The following HS3ST2 variants were observed in gnomAD, a reference collection of about 807,000 sequenced individuals.
HS3ST2 encodes heparan sulfate-glucosamine 3-sulfotransferase 2, also known as heparan sulfate glucosamine 3-O-sulfotransferase 2.
HS3ST2 carries 17 observed loss-of-function variants against 26.3 expected under a neutral mutation model. That is an observed-to-expected ratio of 0.65 (90% confidence interval 0.44 to 0.97). HS3ST2 has a LOEUF of 0.97. HS3ST2 is among the 50% of genes least tolerant of loss of function. The probability of loss-of-function intolerance (pLI) is 0.00; values close to 1 mark genes in which losing one functional copy is unlikely to be tolerated. For missense variants in HS3ST2, 402 were observed against 501.2 expected, an observed-to-expected ratio of 0.80 and a Z score of 1.89; for synonymous variants, 237 against 219.2, an observed-to-expected ratio of 1.08 and a Z score of -0.72.
At chr16:22,903,332 A>G (rs1484503642) in intron 1 of HS3ST2, among the ~76,000 whole-genome samples, 1 of 152,218 alleles carries the variant, frequency 6.6e-6, no homozygotes, top group African/African-American at 2.4e-5. Flanking sequence ...AGAGTTTAGA[A>G]CAGCAAGTGG....
Position 22,907,117 on chromosome 16 carries a change from G to T in HS3ST2, c.486-7827G>T, listed in dbSNP as rs2141746862. 1.3e-5 allele frequency among the ~76,000 whole-genome samples: 2 copies of T among 152,264 alleles called. 1 individual carries two copies. The highest frequency in any genetic ancestry group is 4.2e-4 in the South Asian group (2 of 4,818). ...CACCAGGACAAGAGACAAGTAAGAT[G>T]GATCAGAGTCTTAAAAAATAAAAAT... On this transcript the variant is annotated intron_variant, in intron 1 of 1. Coordinates refer to ENST00000261374, the MANE Select transcript of HS3ST2 (RefSeq NM_006043.2).
At chr16:22,895,050 CCTT>C (rs1305425502) in intron 1 of HS3ST2, among the ~76,000 whole-genome samples, 1 of 150,514 alleles carries the variant, frequency 6.6e-6, no homozygotes, top group Non-Finnish European at 1.5e-5. Context: ...TGAATTGGTC[CCTT>C]CTTCTTTTCT....
In HS3ST2 at chr16:22,897,548, T is replaced by C. The variant is rs921394773; in HGVS notation, c.486-17396T>C. Among the ~76,000 whole-genome samples, 9 of 152,364 alleles carry C rather than the reference T, an allele frequency of 5.9e-5. 1 individual carries two copies. The South Asian group carries it at 1.4e-3, about 25-fold the overall frequency. The stretch of plus-strand genomic sequence containing the variant: ...ATATTTGTGTTTAGATCAATTTACA[T>C]TTTCTACCTTCACTATGTGTTTAAG... On this transcript the variant is annotated intron_variant, in intron 1 of 1. Transcript: ENST00000261374.
chr16:22,911,375 G>T (rs1162167195), intron 1 of HS3ST2, among the ~76,000 whole-genome samples: 1 of 152,196 alleles, frequency 6.6e-6, no homozygotes, highest in Non-Finnish European at 1.5e-5. Flanking sequence ...TTGAAAATGG[G>T]TATAAGAAGT....
At chr16:22,844,597 G>C (rs1401243487) in intron 1 of HS3ST2, among the ~76,000 whole-genome samples, 3 of 152,054 alleles carry the variant, frequency 2.0e-5, no homozygotes, top group Non-Finnish European at 2.9e-5. Context: ...GGAGGTGATT[G>C]GATCATGGGG....
chr16:22,909,671 GCAT>G (rs1902397587), intron 1 of HS3ST2, among the ~76,000 whole-genome samples: 1 of 152,196 alleles, frequency 6.6e-6, no homozygotes, highest in African/African-American at 2.4e-5. Context: ...CATGACTACA[GCAT>G]GTTTGCAACC....
intron 1 of HS3ST2, among the ~76,000 whole-genome samples, chr16:22,910,886 C>A (rs772337163): frequency 6.6e-6 from 1 of 152,006 alleles, no homozygotes; most frequent in Non-Finnish European, 1.5e-5. Flanking sequence ...AGGATGGTTG[C>A]ACATAAGGAT....
chr16:22,838,009 T>A (rs1395932720), intron 1 of HS3ST2, among the ~76,000 whole-genome samples: 2 of 151,690 alleles, frequency 1.3e-5, no homozygotes, highest in Non-Finnish European at 2.9e-5. Context: ...AGGTAAAAAA[T>A]TGTTCTATGT....
chr16:22,828,668 C>A (rs1216945508), intron 1 of HS3ST2, among the ~76,000 whole-genome samples: 2 of 152,182 alleles, frequency 1.3e-5, no homozygotes. Flanking sequence ...TTCCTAGGAT[C>A]AATCCCCATT....
intron 1 of HS3ST2, among the ~76,000 whole-genome samples, chr16:22,894,735 TAAA>T (rs775796299): frequency 6.7e-5 from 9 of 133,918 alleles, no homozygotes; most frequent in Admixed American, 1.5e-4. Context: ...CTCCGTCTCT[TAAA>T]AAAAAAAAAA....
chr16:22,903,426 C>G (rs1490456206), intron 1 of HS3ST2, among the ~76,000 whole-genome samples: 1 of 152,212 alleles, frequency 6.6e-6, no homozygotes, highest in Admixed American at 6.5e-5. Flanking sequence ...CTGATGACTG[C>G]TGCGTACCCA....
chr16:22,838,588 C>T (rs1394904000), intron 1 of HS3ST2, among the ~76,000 whole-genome samples: 3 of 152,082 alleles, frequency 2.0e-5, no homozygotes, highest in Non-Finnish European at 2.9e-5. Context: ...GAAAAGCTAT[C>T]GATTAGGTGT....
At chr16:22,815,442 G>A (rs60824111) in intron 1 of HS3ST2, among the ~76,000 whole-genome samples, 3,234 of 152,250 alleles carry the variant, frequency 0.021, 83 homozygotes, top group African/African-American at 0.063. Context: ...GCCTGAACAC[G>A]GCACCATCCT....
intron 1 of HS3ST2, among the ~76,000 whole-genome samples, chr16:22,904,169 G>A (rs1012186894): frequency 1.1e-4 from 16 of 152,146 alleles, no homozygotes; most frequent in African/African-American, 3.6e-4. Flanking sequence ...CTTCTCATAG[G>A]AAGCCAGGTT....
chr16:22,895,668 G>C (rs1319133661), intron 1 of HS3ST2, among the ~76,000 whole-genome samples: 1 of 151,882 alleles, frequency 6.6e-6, no homozygotes, highest in Non-Finnish European at 1.5e-5. Context: ...AATACAATCC[G>C]TCTTTTATAC....
At chr16:22,895,946 G>C (rs1442056206) in intron 1 of HS3ST2, among the ~76,000 whole-genome samples, 3 of 151,240 alleles carry the variant, frequency 2.0e-5, no homozygotes, top group Non-Finnish European at 4.4e-5. Flanking sequence ...CTTTGTTAAT[G>C]TGGATTTGAT....
At chr16:22,892,680 A>G (rs537034311) in intron 1 of HS3ST2, among the ~76,000 whole-genome samples, 1 of 152,324 alleles carries the variant, frequency 6.6e-6, no homozygotes, top group East Asian at 1.9e-4. Context: ...ATACTTTGAC[A>G]GGATAAATTA....
intron 1 of HS3ST2, among the ~76,000 whole-genome samples, chr16:22,829,579 G>A (rs745340556): frequency 6.6e-6 from 1 of 152,078 alleles, no homozygotes; most frequent in Non-Finnish European, 1.5e-5. Flanking sequence ...TAGAACACTT[G>A]TGGGTCAAAC....
intron 1 of HS3ST2, among the ~76,000 whole-genome samples, chr16:22,849,631 G>C (rs184432381): frequency 6.6e-6 from 1 of 152,168 alleles, no homozygotes; most frequent in African/African-American, 2.4e-5. Context: ...CTCAACATAG[G>C]CTTCTAAGGT....
Sources: gnomAD v4.1 joint callset for allele counts (sites outside exome capture counted in the v4.1 genomes callset) on GRCh38, gnomAD v4.1.1 for gene constraint, MANE v1.5 for transcripts, NCBI Gene and HGNC (gene_info 2026-07-23, HGNC 2026-07-21) for gene names.